Variants in TAMM41 observed in about 807,000 individuals in gnomAD.
TAMM41 encodes the protein phosphatidate cytidylyltransferase, mitochondrial.
A neutral mutation model predicts 44.1 loss-of-function variants in TAMM41; 36 were observed. The ratio of observed to expected loss-of-function variants is 0.82; its 90% CI spans 0.63 to 1.08. The LOEUF (loss-of-function observed/expected upper bound fraction) is 1.08, where lower values mean the gene tolerates loss of function less well. TAMM41 is among the 50% of genes least tolerant of loss of function. The pLI is 0.00. For missense variants in TAMM41, 417 were observed against 404.3 expected, an observed-to-expected ratio of 1.03 and a Z score of -0.27; for synonymous variants, 164 against 153.1, an observed-to-expected ratio of 1.07 and a Z score of -0.53.
chr3:11,820,643 G>A (rs1329312836), intron 4 of TAMM41, among the ~76,000 whole-genome samples: 2 of 152,172 alleles, frequency 1.3e-5, no homozygotes, highest in African/African-American at 4.8e-5. Context: ...ATGGGCTTAT[G>A]ACTCATTTCT....
intron 4 of TAMM41, among the ~76,000 whole-genome samples, chr3:11,818,794 G>A (rs71624915): frequency 1 from 150,855 of 150,858 alleles, 75,426 homozygotes; most frequent in Non-Finnish European, 1. Context: ...GCTACTTGGG[G>A]GGGGGCCGCA....
At chr3:11,809,079 G>A (rs6801212) in intron 6 of TAMM41, 12,807 of 227,114 alleles carry the variant, frequency 0.056, 686 homozygotes, top group African/African-American at 0.15. Flanking sequence ...TGTGGAACGT[G>A]GGCCATGTCT....
chr3:11,805,901 C>T (rs1268983170), intron 7 of TAMM41, among the ~76,000 whole-genome samples: 3 of 152,222 alleles, frequency 2.0e-5, no homozygotes, highest in African/African-American at 4.8e-5. Context: ...ATAATCCCCA[C>T]GTCGTGGGAG....
intron 7 of TAMM41, among the ~76,000 whole-genome samples, chr3:11,795,436 G>A (rs1162063796): frequency 6.6e-6 from 1 of 152,030 alleles, no homozygotes; most frequent in African/African-American, 2.4e-5. Flanking sequence ...TTCTAAACAC[G>A]GCAAATCTTT....
chr3:11,831,821 T>C (rs965020213), intron 3 of TAMM41, among the ~76,000 whole-genome samples: 5 of 152,226 alleles, frequency 3.3e-5, no homozygotes, highest in Non-Finnish European at 7.3e-5. Flanking sequence ...TAAGGGAGTA[T>C]TTGTAACATA....
chr3:11,795,311 C>G (rs762238110), intron 7 of TAMM41, among the ~76,000 whole-genome samples: 4 of 152,212 alleles, frequency 2.6e-5, no homozygotes, highest in South Asian at 2.1e-4. Context: ...CCAACCTCCC[C>G]CTCTGCTCAG....
At chr3:11,731,943 T>C in the TAMM41 span, among the ~76,000 whole-genome samples, 7 of 151,646 alleles carry the variant, frequency 4.6e-5, no homozygotes, top group Non-Finnish European at 1.0e-4. Flanking sequence ...CTCGGCTCAC[T>C]GCAACCGCTG....
At chr3:11,771,261 T>C in the TAMM41 span, 81 of 152,368 alleles carry the variant, frequency 5.3e-4, no homozygotes, top group African/African-American at 1.9e-3. Context: ...TCACCCTGCG[T>C]TCCCTCTTCT....
intron 7 of TAMM41, among the ~76,000 whole-genome samples, chr3:11,797,449 G>A (rs998045660): frequency 2.6e-5 from 4 of 152,204 alleles, no homozygotes; most frequent in African/African-American, 9.6e-5. Flanking sequence ...GCCATATGCT[G>A]AAGATCGAAA....
intron 3 of TAMM41, among the ~76,000 whole-genome samples, chr3:11,834,892 T>TGGCCA: frequency 6.6e-6 from 1 of 152,282 alleles, no homozygotes; most frequent in South Asian, 2.1e-4. Flanking sequence ...TTCACCATGT[T>TGGCCA]GGCCAGGCTG....
the TAMM41 span, among the ~76,000 whole-genome samples, chr3:11,750,602 G>A: frequency 7.9e-5 from 12 of 152,174 alleles, no homozygotes; most frequent in East Asian, 9.7e-4. Context: ...GAGCCACTGC[G>A]CCCAGCTTCC....
the TAMM41 span, among the ~76,000 whole-genome samples, chr3:11,778,454 C>T: frequency 2.1e-4 from 32 of 152,288 alleles, no homozygotes; most frequent in African/African-American, 7.2e-4. Context: ...AACTCCTGGG[C>T]TCAAGCAATG....
intron 3 of TAMM41, chr3:11,832,918 C>T: frequency 1.1e-6 from 1 of 914,950 alleles, no homozygotes; most frequent in Non-Finnish European, 1.3e-6. Flanking sequence ...CACTTGTTCT[C>T]CAAGGAAGTT....
the TAMM41 span, among the ~76,000 whole-genome samples, chr3:11,748,714 C>A: frequency 0.17 from 26,476 of 151,894 alleles, 2,564 homozygotes; most frequent in Middle Eastern, 0.22. Flanking sequence ...AGTGAAATAA[C>A]AGAGAAGGAA....
the TAMM41 span, among the ~76,000 whole-genome samples, chr3:11,766,248 T>C: frequency 1.3e-5 from 2 of 152,144 alleles, no homozygotes; most frequent in Non-Finnish European, 2.9e-5. Flanking sequence ...CACTACAGCC[T>C]CAACCTCCCA....
Position 11,805,009 on chromosome 3 carries a change from T to TG in TAMM41, c.937+2823_937+2824insC, listed in dbSNP as rs1322826366. Among the ~76,000 whole-genome samples the TG allele has an allele frequency of 9.8e-4, 137 of 140,014 alleles. 4 individuals are homozygous for TG. In the East Asian group the frequency reaches 0.016, roughly 16 times the overall value. 91.9% of individuals were successfully genotyped at this position (140,014 alleles called of 152,430 possible). ...CCACGCCCAGCCCTTTTTTTTTTTTTTTTTTTTTTTTTTTTGAGACGAAGT... is the reference window on the plus strand; with the variant it reads ...CCACGCCCAGCCCTTTTTTTTTTTTTGTTTTTTTTTTTTTTTGAGACGAAGT... On this transcript the variant is annotated intron_variant, in intron 7 of 7. Transcript: ENST00000455809.
the TAMM41 span, among the ~76,000 whole-genome samples, chr3:11,733,237 G>A: frequency 6.6e-6 from 1 of 151,924 alleles, no homozygotes; most frequent in Non-Finnish European, 1.5e-5. Flanking sequence ...GACCTCAAAT[G>A]ATCTGCCCAC....
At chr3:11,808,326 T>C (rs952560612) in intron 6 of TAMM41, 3 of 1,015,280 alleles carry the variant, frequency 3.0e-6, no homozygotes, top group Non-Finnish European at 3.5e-6. Flanking sequence ...AGGAACAAGT[T>C]TCACTCACCT....
At chr3:11,844,831 G>A in intron 1 of TAMM41, 1 of 442,546 alleles carries the variant, frequency 2.3e-6, no homozygotes, top group South Asian at 1.6e-5. Context: ...AGAGTCTACT[G>A]GAGAGAATAA....
Sources: allele counts gnomAD v4.1 joint callset (sites outside exome capture counted in the v4.1 genomes callset), GRCh38; gene constraint gnomAD v4.1.1; transcripts MANE v1.5; gene names NCBI Gene and HGNC (gene_info 2026-07-23, HGNC 2026-07-21).